Variants in SLC39A9 observed in about 807,000 individuals in gnomAD.
SLC39A9 encodes zinc transporter ZIP9.
SLC39A9 carries 14 observed loss-of-function variants against 28.4 expected under a neutral mutation model. That is an observed-to-expected ratio of 0.49 (90% CI 0.33 to 0.77). The LOEUF is 0.77. SLC39A9 is among the 30% of genes least tolerant of loss of function. The pLI, the probability that SLC39A9 is intolerant of heterozygous loss-of-function variation, is 0.02. For missense variants in SLC39A9, 283 were observed against 381.1 expected (o/e 0.74, Z 2.14); for synonymous variants, 119 against 149.6 (o/e 0.80, Z 1.49).
Position 69,458,699 on chromosome 14 carries a change from T to C in SLC39A9, c.*106T>C. ...AGTCTCTTGTCTCACCTTGCGCATC[T>C]CTACATGTATTCCTAGAGTCCAGAG... On this transcript the variant is annotated 3_prime_UTR_variant, in exon 7 of 7. Coordinates refer to ENST00000336643, the MANE Select transcript of SLC39A9 (RefSeq NM_018375.5). 1 of 1,442,284 alleles carries C rather than the reference T, an allele frequency of 6.9e-7. No homozygotes were observed. Among genetic ancestry groups the C allele is most frequent in the Non-Finnish European group, 9.1e-7 (1 of 1,098,398 alleles). 89.3% of individuals were successfully genotyped at this position (1,442,284 alleles called of 1,614,324 possible).
intron 3 of SLC39A9, among the ~76,000 whole-genome samples, chr14:69,449,113 TCTC>T (rs1594946343): frequency 6.6e-6 from 1 of 152,238 alleles, no homozygotes; most frequent in Non-Finnish European, 1.5e-5. Flanking sequence ...CGGTTTTTAA[TCTC>T]CTTGTATTTA....
intron 4 of SLC39A9, among the ~76,000 whole-genome samples, chr14:69,454,187 T>C (rs937665783): frequency 2.6e-5 from 4 of 152,250 alleles, no homozygotes; most frequent in Non-Finnish European, 4.4e-5. Context: ...AAGTATAATA[T>C]GCTTTTCTAA....
At chr14:69,439,101 A>G (rs1328626130) in intron 2 of SLC39A9, among the ~76,000 whole-genome samples, 1 of 152,240 alleles carries the variant, frequency 6.6e-6, no homozygotes, top group African/African-American at 2.4e-5. Context: ...AGGATACAAA[A>G]TCAGCATACA....
chr14:69,425,672 T>A (rs780358568), intron 2 of SLC39A9, among the ~76,000 whole-genome samples: 9 of 151,888 alleles, frequency 5.9e-5, no homozygotes, highest in Non-Finnish European at 8.8e-5. Context: ...TTTTTTTTTT[T>A]ATTTGTTTGT....
chr14:69,414,950 T>G (rs1001076995), intron 1 of SLC39A9, among the ~76,000 whole-genome samples: 1 of 152,216 alleles, frequency 6.6e-6, no homozygotes, highest in Admixed American at 6.5e-5. Flanking sequence ...AGGAAAATGT[T>G]TATGAGATTT....
At chr14:69,452,109 T>C (rs1885639659) in intron 3 of SLC39A9, among the ~76,000 whole-genome samples, 2 of 152,206 alleles carry the variant, frequency 1.3e-5, no homozygotes, top group South Asian at 4.1e-4. Flanking sequence ...AAGTTCAGTA[T>C]GTGCCAAGAA....
intron 2 of SLC39A9, among the ~76,000 whole-genome samples, chr14:69,437,418 A>C (rs1335680374): frequency 6.6e-6 from 1 of 151,806 alleles, no homozygotes; most frequent in Non-Finnish European, 1.5e-5. Flanking sequence ...GCTGTTGTTT[A>C]CTTTTTGTAG....
Position 69,461,134 on chromosome 14 carries a change from A to G in SLC39A9, c.*2541A>G. The G allele has an allele frequency of 9.1e-6, 9 of 987,114 alleles. No individual in the cohort carries two copies. Among genetic ancestry groups the G allele is most frequent in the Non-Finnish European group, 1.1e-5 (9 of 831,046 alleles). The allele number at this position is 987,114 out of a possible 1,614,324, so 61.1% of individuals were successfully genotyped here. On this transcript the variant is annotated 3_prime_UTR_variant, in exon 7 of 7. Transcript: ENST00000336643. The stretch of plus-strand genomic sequence containing the variant: ...ACTTAAGTTGCTGCCATGATTACAG[A>G]TGGAATTATTGGCTACCAAAGAGAC...
At chr14:69,449,525 T>A (rs1441981324) in intron 3 of SLC39A9, among the ~76,000 whole-genome samples, 1 of 151,776 alleles carries the variant, frequency 6.6e-6, no homozygotes, top group Non-Finnish European at 1.5e-5. Context: ...CTTGGGAGGC[T>A]GAGATGGGAG....
rs1420990603 is a variant in SLC39A9, at chr14:69,460,585, ATTG to A, written c.*1997_*1999del. On this transcript the variant is annotated 3_prime_UTR_variant, in exon 7 of 7. Transcript: ENST00000336643. ...TTTGGACAGTAGTGCTTTCTATCAT[ATTG>A]TTGTGTGCAATGGTAATTTGTTCTA... is the stretch of plus-strand genomic sequence containing the variant. 7.1e-5 allele frequency: 70 copies of A among 985,244 alleles called. No homozygotes were observed. The highest frequency in any genetic ancestry group is 8.2e-5 in the Non-Finnish European group (68 of 829,916). The allele number at this position is 985,244 out of a possible 1,614,324, so 61.0% of individuals were successfully genotyped here.
At chr14:69,414,242 T>C (rs1270998458) in intron 1 of SLC39A9, among the ~76,000 whole-genome samples, 1 of 152,292 alleles carries the variant, frequency 6.6e-6, no homozygotes, top group South Asian at 2.1e-4. Context: ...GAGACAGGGT[T>C]TCGCCATGCT....
At chr14:69,424,488 C>A (rs1452765342) in intron 2 of SLC39A9, among the ~76,000 whole-genome samples, 1 of 151,970 alleles carries the variant, frequency 6.6e-6, no homozygotes, top group Non-Finnish European at 1.5e-5. Context: ...TCAAACACTT[C>A]CCAAATCCCA....
chr14:69,409,909 C>T (rs1214760136), intron 1 of SLC39A9, among the ~76,000 whole-genome samples: 1 of 152,158 alleles, frequency 6.6e-6, no homozygotes, highest in Admixed American at 6.5e-5. Context: ...TATATTCTCA[C>T]AAACATTATC....
chr14:69,406,105 C>G (rs1882899310), intron 1 of SLC39A9, among the ~76,000 whole-genome samples: 1 of 152,152 alleles, frequency 6.6e-6, no homozygotes, highest in East Asian at 1.9e-4. Context: ...TAGGATCTAC[C>G]TAAATTGATG....
At chr14:69,445,402 C>A (rs1369483005) in intron 3 of SLC39A9, among the ~76,000 whole-genome samples, 2 of 152,108 alleles carry the variant, frequency 1.3e-5, no homozygotes, top group Admixed American at 6.5e-5. Flanking sequence ...TTTTCTCTTT[C>A]TTATGATTTT....
At chr14:69,430,097 G>A (rs1326788131) in intron 2 of SLC39A9, among the ~76,000 whole-genome samples, 5 of 152,076 alleles carry the variant, frequency 3.3e-5, no homozygotes, top group African/African-American at 1.2e-4. Context: ...CTAGATACAA[G>A]TCCTTTATCA....
At chr14:69,436,174 G>C (rs1884740980) in intron 2 of SLC39A9, among the ~76,000 whole-genome samples, 1 of 152,016 alleles carries the variant, frequency 6.6e-6, no homozygotes. Flanking sequence ...AGCTCAGGTG[G>C]GGGAGGATCA....
chr14:69,411,196 A>G (rs1010520281), intron 1 of SLC39A9, among the ~76,000 whole-genome samples: 4 of 138,718 alleles, frequency 2.9e-5, no homozygotes, highest in Non-Finnish European at 4.6e-5. Context: ...TGGGTCATAG[A>G]GTGAGATTCC....
chr14:69,416,036 C>T (rs1594910344), intron 1 of SLC39A9, among the ~76,000 whole-genome samples: 1 of 152,134 alleles, frequency 6.6e-6, no homozygotes, highest in African/African-American at 2.4e-5. Context: ...TCGCCATTTA[C>T]ATTAGGTATT....
Sources: gnomAD v4.1 joint callset for allele counts (sites outside exome capture counted in the v4.1 genomes callset) on GRCh38, gnomAD v4.1.1 for gene constraint, MANE v1.5 for transcripts, NCBI Gene and HGNC (gene_info 2026-07-23, HGNC 2026-07-21) for gene names.